Variants in MDGA2 observed in about 807,000 individuals in gnomAD.
MDGA2 encodes the protein MAM domain-containing glycosylphosphatidylinositol anchor protein 2.
MDGA2 carries 40 observed loss-of-function variants against 117.8 expected under a neutral mutation model. That is an observed-to-expected ratio of 0.34 (90% CI 0.26 to 0.44). The LOEUF (loss-of-function observed/expected upper bound fraction) is 0.44. MDGA2 is among the 20% of genes least tolerant of loss of function. The pLI, the probability that MDGA2 is intolerant of heterozygous loss-of-function variation, is 1.00. For missense variants in MDGA2, 1,123 were observed against 1,250.6 expected (o/e 0.90, Z 1.54); for synonymous variants, 452 against 439.0 (o/e 1.03, Z -0.37).
chr14:47,209,797 T>G (rs1885817092), intron 3 of MDGA2, among the ~76,000 whole-genome samples: 1 of 152,188 alleles, frequency 6.6e-6, no homozygotes, highest in South Asian at 2.1e-4. Flanking sequence ...TAGGGCAATT[T>G]GCATGACAGC....
chr14:47,579,205 G>T (rs1221155151), intron 1 of MDGA2, among the ~76,000 whole-genome samples: 1 of 152,026 alleles, frequency 6.6e-6, no homozygotes, highest in Non-Finnish European at 1.5e-5. Flanking sequence ...AATGGATCAA[G>T]TTTTTGTAGT....
chr14:47,062,933 A>AGT (rs1455531329), intron 6 of MDGA2, among the ~76,000 whole-genome samples: 1 of 152,010 alleles, frequency 6.6e-6, no homozygotes, highest in Non-Finnish European at 1.5e-5. Context: ...ATCAAAAACA[A>AGT]TGTTTGTGTC....
chr14:47,163,344 T>C (rs1381231808), intron 3 of MDGA2, among the ~76,000 whole-genome samples: 2 of 152,116 alleles, frequency 1.3e-5, no homozygotes, highest in East Asian at 3.9e-4. Flanking sequence ...AATTTCATCA[T>C]GTAGCTCACA....
chr14:47,032,306 G>C (rs145299111), intron 8 of MDGA2, among the ~76,000 whole-genome samples: 1 of 152,020 alleles, frequency 6.6e-6, no homozygotes, highest in African/African-American at 2.4e-5. Flanking sequence ...AAAAAATCAG[G>C]ATGAACATGG....
intron 6 of MDGA2, 41 bp from the exon 7 acceptor site, chr14:47,061,619 A>G: frequency 2.7e-6 from 4 of 1,506,768 alleles, no homozygotes; most frequent in Middle Eastern, 1.7e-4. Flanking sequence ...TGTTACTTTC[A>G]TAACTTTAAG....
intron 8 of MDGA2, among the ~76,000 whole-genome samples, chr14:46,975,592 A>C (rs1347345782): frequency 6.6e-6 from 1 of 152,172 alleles, no homozygotes; most frequent in Admixed American, 6.6e-5. Context: ...AACTAGTAAC[A>C]AAAAGACAAA....
chr14:47,412,269 A>T (rs1048187981), intron 1 of MDGA2, among the ~76,000 whole-genome samples: 1 of 152,128 alleles, frequency 6.6e-6, no homozygotes, highest in African/African-American at 2.4e-5. Flanking sequence ...AAACAGAAAT[A>T]AAAAAATTAT....
At chr14:47,641,315 CATG>C (rs3040373) in intron 1 of MDGA2, among the ~76,000 whole-genome samples, 12,558 of 151,966 alleles carry the variant, frequency 0.083, 1,357 homozygotes, top group African/African-American at 0.24. Flanking sequence ...GATTCCAGAG[CATG>C]ATGAGTTACT....
intron 3 of MDGA2, among the ~76,000 whole-genome samples, chr14:47,175,752 C>A (rs1213953800): frequency 1.4e-5 from 2 of 145,840 alleles, no homozygotes; most frequent in African/African-American, 2.6e-5. Context: ...GACAGGGATG[C>A]CCTCTCTCAC....
chr14:47,588,071 T>C (rs1896359475), intron 1 of MDGA2, among the ~76,000 whole-genome samples: 1 of 151,770 alleles, frequency 6.6e-6, no homozygotes, highest in Admixed American at 6.6e-5. Flanking sequence ...TTTCTATTAC[T>C]GAATAATATT....
At chr14:46,952,659 A>C (rs2138616026) in intron 9 of MDGA2, among the ~76,000 whole-genome samples, 1 of 152,078 alleles carries the variant, frequency 6.6e-6, no homozygotes, top group Non-Finnish European at 1.5e-5. Flanking sequence ...AACCCTGGTA[A>C]AGTCATATAC....
intron 1 of MDGA2, among the ~76,000 whole-genome samples, chr14:47,491,095 A>G (rs1444399586): frequency 1.3e-5 from 2 of 152,132 alleles, no homozygotes; most frequent in African/African-American, 2.4e-5. Context: ...GGACAAATGG[A>G]TTTTTAGGAA....
chr14:47,358,987 A>G (rs989693926), intron 1 of MDGA2, among the ~76,000 whole-genome samples: 5 of 152,244 alleles, frequency 3.3e-5, no homozygotes, highest in African/African-American at 9.6e-5. Context: ...GCAGGGAACC[A>G]CAAAAGACTT....
chr14:47,346,996 C>A (rs8004035), intron 1 of MDGA2, among the ~76,000 whole-genome samples: 50,913 of 151,926 alleles, frequency 0.34, 9,304 homozygotes, highest in Admixed American at 0.52. Flanking sequence ...AATGGAAGGA[C>A]AACTGGGACG....
intron 3 of MDGA2, among the ~76,000 whole-genome samples, chr14:47,176,833 G>C (rs1884474804): frequency 6.6e-6 from 1 of 152,084 alleles, no homozygotes; most frequent in South Asian, 2.1e-4. Flanking sequence ...CTTCTGCACA[G>C]CAAAAGAAAC....
chr14:47,202,556 G>A (rs549725006), intron 3 of MDGA2, among the ~76,000 whole-genome samples: 22 of 152,252 alleles, frequency 1.4e-4, no homozygotes, highest in African/African-American at 5.1e-4. Context: ...GGAATTAAGA[G>A]CTGACCTTCC....
At chr14:47,495,639 T>G (rs1274296631) in intron 1 of MDGA2, among the ~76,000 whole-genome samples, 1 of 152,200 alleles carries the variant, frequency 6.6e-6, no homozygotes, top group African/African-American at 2.4e-5. Context: ...ATCTGCAAAA[T>G]GTGATAGACC....
chr14:47,288,521 C>T (rs1018644518), intron 2 of MDGA2, among the ~76,000 whole-genome samples: 6 of 152,130 alleles, frequency 3.9e-5, no homozygotes, highest in Non-Finnish European at 7.4e-5. Context: ...GGATCATGTT[C>T]TGCTCAAGCT....
intron 1 of MDGA2, among the ~76,000 whole-genome samples, chr14:47,530,587 C>A (rs748702133): frequency 9.2e-5 from 14 of 152,140 alleles, no homozygotes; most frequent in Non-Finnish European, 1.9e-4. Flanking sequence ...TTACCCCCAT[C>A]CTCACTAAAC....
Sources: gnomAD v4.1 joint callset for allele counts (sites outside exome capture counted in the v4.1 genomes callset) on GRCh38, gnomAD v4.1.1 for gene constraint, MANE v1.5 for transcripts, NCBI Gene and HGNC (gene_info 2026-07-23, HGNC 2026-07-21) for gene names.